MPP7: variants seen among roughly 807,000 people sequenced by gnomAD.
The protein encoded by MPP7 is MAGUK p55 subfamily member 7.
MPP7 carries 60 observed loss-of-function variants against 76.5 expected under a neutral mutation model. The observed-to-expected ratio is 0.78, with a 90% CI of 0.64 to 0.97. The LOEUF is 0.97. Among genes scored for constraint, MPP7 ranks in the 50% least tolerant of loss-of-function variants. The probability of loss-of-function intolerance (pLI) is 0.00; values close to 1 mark genes in which losing one functional copy is unlikely to be tolerated. For synonymous variants in MPP7, 237 were observed against 244.5 expected, an observed-to-expected ratio of 0.97 and a Z score of 0.29; for missense variants, 641 against 694.0, an observed-to-expected ratio of 0.92 and a Z score of 0.86.
At chr10:28,103,861 A>C (rs1017425048) in intron 11 of MPP7, among the ~76,000 whole-genome samples, 8 of 152,078 alleles carry the variant, frequency 5.3e-5, no homozygotes, top group African/African-American at 1.9e-4. Flanking sequence ...AGGAATGGGG[A>C]GGAGGAGGAG....
At chr10:28,128,228 G>A (rs776918446) in intron 6 of MPP7, among the ~76,000 whole-genome samples, 3 of 152,216 alleles carry the variant, frequency 2.0e-5, no homozygotes, top group African/African-American at 7.2e-5. Flanking sequence ...TGAAATTAAT[G>A]AGAGGTTAAT....
At chr10:28,300,723 A>T (rs1003723627) in intron 1 of MPP7, among the ~76,000 whole-genome samples, 2 of 152,048 alleles carry the variant, frequency 1.3e-5, no homozygotes, top group African/African-American at 4.8e-5. Context: ...AGGCCAAGGC[A>T]GGCAGATCAC....
intron 11 of MPP7, among the ~76,000 whole-genome samples, chr10:28,107,225 G>A (rs1362021372): frequency 6.6e-6 from 1 of 151,958 alleles, no homozygotes; most frequent in East Asian, 1.9e-4. Context: ...ATGCTACCTG[G>A]AATTACAGCT....
chr10:28,266,652 C>T (rs1840159376), intron 1 of MPP7, among the ~76,000 whole-genome samples: 3 of 152,122 alleles, frequency 2.0e-5, no homozygotes, highest in Admixed American at 1.3e-4. Context: ...GTTTCCTTAT[C>T]TCCTTCCTGT....
At chr10:28,165,979 C>T (rs1016175027) in intron 3 of MPP7, among the ~76,000 whole-genome samples, 14 of 148,460 alleles carry the variant, frequency 9.4e-5, no homozygotes, top group African/African-American at 2.0e-4. Context: ...GAGCCAAGAT[C>T]GCGCCACTGC....
intron 11 of MPP7, among the ~76,000 whole-genome samples, chr10:28,098,768 T>C (rs1233337438): frequency 4.0e-5 from 6 of 151,854 alleles, no homozygotes; most frequent in Admixed American, 3.3e-4. Context: ...TAACAATAGT[T>C]AGGAATAGCC....
At chr10:28,079,989 C>T (rs547202297) in intron 12 of MPP7, among the ~76,000 whole-genome samples, 55 of 123,114 alleles carry the variant, frequency 4.5e-4, no homozygotes, top group African/African-American at 1.6e-3. Flanking sequence ...AGGTGTGGTG[C>T]GGGGTGCCTA....
At chr10:28,120,562 C>T (rs994752550) in intron 9 of MPP7, 32 bp downstream of exon 9, 20 of 1,589,630 alleles carry the variant, frequency 1.3e-5, no homozygotes, top group South Asian at 3.3e-5. Context: ...TTCCCTCCCA[C>T]GCACGAAGAA....
At chr10:28,255,599 G>A (rs1839759941) in intron 1 of MPP7, among the ~76,000 whole-genome samples, 1 of 151,904 alleles carries the variant, frequency 6.6e-6, no homozygotes, top group Non-Finnish European at 1.5e-5. Context: ...TAGAGTCAGG[G>A]TTTCAACATG....
At chr10:28,253,490 T>C (rs923305709) in intron 1 of MPP7, among the ~76,000 whole-genome samples, 3 of 152,076 alleles carry the variant, frequency 2.0e-5, no homozygotes, top group African/African-American at 7.2e-5. Flanking sequence ...AGAGGAAAAA[T>C]AACAAATCTG....
intron 2 of MPP7, among the ~76,000 whole-genome samples, chr10:28,213,078 T>C (rs1257051141): frequency 2.6e-5 from 4 of 152,066 alleles, no homozygotes; most frequent in African/African-American, 9.7e-5. Flanking sequence ...TAGCTGAGAA[T>C]ATAGGCATGC....
chr10:28,172,817 C>T (rs1836729285), intron 3 of MPP7, among the ~76,000 whole-genome samples: 1 of 152,048 alleles, frequency 6.6e-6, no homozygotes, highest in South Asian at 2.1e-4. Flanking sequence ...TCAGTCACTA[C>T]CAGCTTTAAT....
intron 3 of MPP7, among the ~76,000 whole-genome samples, chr10:28,175,986 A>G (rs1168169813): frequency 1.3e-5 from 2 of 152,226 alleles, no homozygotes; most frequent in Admixed American, 1.3e-4. Context: ...ACCAAAAATT[A>G]GGAAGAGAAG....
At chr10:28,061,107 T>G (rs1851766899) in intron 13 of MPP7, among the ~76,000 whole-genome samples, 1 of 151,928 alleles carries the variant, frequency 6.6e-6, no homozygotes, top group African/African-American at 2.4e-5. Flanking sequence ...AACATTATAT[T>G]CACAATGTCC....
intron 11 of MPP7, among the ~76,000 whole-genome samples, chr10:28,110,370 G>A (rs1477303078): frequency 3.3e-5 from 5 of 152,144 alleles, no homozygotes; most frequent in African/African-American, 9.7e-5. Flanking sequence ...GATTACAGGC[G>A]TGAGCCACTA....
chr10:28,241,229 A>G (rs543521824), intron 1 of MPP7, among the ~76,000 whole-genome samples: 1 of 152,266 alleles, frequency 6.6e-6, no homozygotes, highest in Admixed American at 6.5e-5. Flanking sequence ...TATCCTTTTG[A>G]GCTGATATTG....
intron 6 of MPP7, among the ~76,000 whole-genome samples, chr10:28,130,564 T>C (rs1329130087): frequency 6.6e-6 from 1 of 152,228 alleles, no homozygotes. Flanking sequence ...TCAGCTTAGC[T>C]TCCAGCACTT....
intron 1 of MPP7, among the ~76,000 whole-genome samples, chr10:28,263,042 C>T (rs778730230): frequency 3.0e-4 from 45 of 151,942 alleles, no homozygotes; most frequent in African/African-American, 7.5e-4. Context: ...GGCAACAGAG[C>T]GAGACTCCGT....
intron 2 of MPP7, among the ~76,000 whole-genome samples, chr10:28,237,450 T>C (rs1302925645): frequency 1.3e-5 from 2 of 151,606 alleles, no homozygotes; most frequent in African/African-American, 4.9e-5. Flanking sequence ...GAATCCTCAA[T>C]GTAAATCACA....
Sources: allele counts gnomAD v4.1 joint callset (sites outside exome capture counted in the v4.1 genomes callset), GRCh38; gene constraint gnomAD v4.1.1; transcripts MANE v1.5; gene names NCBI Gene and HGNC (gene_info 2026-07-23, HGNC 2026-07-21).